Variants in PTPRD observed in about 807,000 individuals in gnomAD.
PTPRD encodes receptor-type tyrosine-protein phosphatase delta.
Under a neutral mutation model 214.5 loss-of-function variants are expected in PTPRD, and 34 were observed. The observed-to-expected ratio is 0.16, with a 90% confidence interval of 0.12 to 0.21. The LOEUF (loss-of-function observed/expected upper bound fraction) is 0.21. Ranked by LOEUF, PTPRD falls within the 10% of genes least tolerant of loss-of-function variation. The pLI, the probability that PTPRD is intolerant of heterozygous loss-of-function variation, is 1.00. For missense variants in PTPRD, 2,545 were observed against 2,398.7 expected (o/e 1.06, Z -1.27); for synonymous variants, 1,128 against 845.7 (o/e 1.33, Z -5.79).
chr9:9,090,237 T>C (rs1332049502), intron 10 of PTPRD, among the ~76,000 whole-genome samples: 2 of 152,170 alleles, frequency 1.3e-5, no homozygotes, highest in Non-Finnish European at 2.9e-5. Context: ...CAGCCTCTGG[T>C]AGCAATCATT....
intron 5 of PTPRD, among the ~76,000 whole-genome samples, chr9:9,814,251 C>T (rs1471439695): frequency 1.3e-5 from 2 of 151,390 alleles, no homozygotes; most frequent in South Asian, 4.2e-4. Context: ...AAATGTGTCT[C>T]TCTTACCACT....
intron 9 of PTPRD, among the ~76,000 whole-genome samples, chr9:9,302,996 G>A (rs769585505): frequency 6.6e-5 from 10 of 151,902 alleles, no homozygotes; most frequent in Non-Finnish European, 1.5e-4. Flanking sequence ...TCAAGGGCAT[G>A]TCCTACTATA....
chr9:9,693,371 C>A (rs1284958094), intron 7 of PTPRD, among the ~76,000 whole-genome samples: 1 of 152,038 alleles, frequency 6.6e-6, no homozygotes, highest in Non-Finnish European at 1.5e-5. Context: ...ATAGTTTTTC[C>A]TGTACTCTCA....
chr9:8,874,900 A>G (rs534617513), intron 11 of PTPRD, among the ~76,000 whole-genome samples: 3 of 152,322 alleles, frequency 2.0e-5, no homozygotes, highest in Admixed American at 6.5e-5. Flanking sequence ...GGTGGTTCCA[A>G]TGAAACTTTC....
chr9:9,148,230 C>G (rs1366297083), intron 10 of PTPRD, among the ~76,000 whole-genome samples: 1 of 151,972 alleles, frequency 6.6e-6, no homozygotes, highest in East Asian at 1.9e-4. Context: ...TTTTAATAGG[C>G]TTTATGAAAT....
At chr9:8,379,923 G>A (rs778168949) in intron 37 of PTPRD, among the ~76,000 whole-genome samples, 2 of 152,086 alleles carry the variant, frequency 1.3e-5, no homozygotes, top group South Asian at 2.1e-4. Flanking sequence ...AAGTCTGGCC[G>A]CCTCATCTGT....
intron 4 of PTPRD, among the ~76,000 whole-genome samples, chr9:9,963,955 A>G (rs1339930678): frequency 6.9e-6 from 1 of 144,626 alleles, no homozygotes; most frequent in Admixed American, 7.1e-5. Context: ...TTCCATTTTT[A>G]TGAGCATTTC....
intron 36 of PTPRD, among the ~76,000 whole-genome samples, chr9:8,391,099 C>T (rs1393301719): frequency 6.6e-6 from 1 of 152,054 alleles, no homozygotes; most frequent in Admixed American, 6.6e-5. Flanking sequence ...ATGATCCCTT[C>T]TACCCTGGGA....
chr9:10,176,838 A>C (rs1304037790), intron 3 of PTPRD, among the ~76,000 whole-genome samples: 1 of 151,956 alleles, frequency 6.6e-6, no homozygotes, highest in Non-Finnish European at 1.5e-5. Flanking sequence ...TGGAATAAAC[A>C]CTTAATGTCT....
At chr9:10,516,813 C>G (rs2050273614) in intron 2 of PTPRD, among the ~76,000 whole-genome samples, 1 of 151,766 alleles carries the variant, frequency 6.6e-6, no homozygotes, top group Non-Finnish European at 1.5e-5. Flanking sequence ...TTCCCAGCAC[C>G]ATTTGCTGAA....
intron 3 of PTPRD, among the ~76,000 whole-genome samples, chr9:10,171,010 T>C (rs1268984741): frequency 6.6e-6 from 1 of 152,188 alleles, no homozygotes; most frequent in African/African-American, 2.4e-5. Flanking sequence ...CTAGCACCAT[T>C]ACAATTTGGT....
intron 2 of PTPRD, among the ~76,000 whole-genome samples, chr9:10,476,658 C>A (rs558374984): frequency 1.3e-5 from 2 of 152,030 alleles, no homozygotes; most frequent in Non-Finnish European, 2.9e-5. Flanking sequence ...TATACGGAAC[C>A]AAAAAATAGC....
At chr9:8,516,759 A>G (rs914073023) in intron 21 of PTPRD, among the ~76,000 whole-genome samples, 2 of 151,780 alleles carry the variant, frequency 1.3e-5, no homozygotes, top group Non-Finnish European at 2.9e-5. Context: ...CAACACAATA[A>G]GGAGTCAAAG....
At chr9:8,625,641 C>T (rs1209652267) in intron 14 of PTPRD, among the ~76,000 whole-genome samples, 1 of 151,274 alleles carries the variant, frequency 6.6e-6, no homozygotes, top group Non-Finnish European at 1.5e-5. Context: ...TAGTGCTACA[C>T]TTATGACCAA....
chr9:8,383,735 C>T (rs2085961467), intron 37 of PTPRD, among the ~76,000 whole-genome samples: 1 of 152,152 alleles, frequency 6.6e-6, no homozygotes, highest in Admixed American at 6.5e-5. Context: ...TCCCCATCTC[C>T]AACATTTATA....
chr9:8,616,858 A>C (rs1211552601), intron 14 of PTPRD, among the ~76,000 whole-genome samples: 5 of 152,150 alleles, frequency 3.3e-5, no homozygotes, highest in Admixed American at 6.5e-5. Flanking sequence ...AATCCTGCTG[A>C]AGTGATTATG....
intron 2 of PTPRD, among the ~76,000 whole-genome samples, chr9:10,433,955 A>G (rs76177053): frequency 0.01 from 1,594 of 152,006 alleles, 31 homozygotes; most frequent in African/African-American, 0.036. Context: ...ATCAATCACT[A>G]TAAACAAAAA....
At chr9:8,832,998 T>G (rs2097330656) in intron 11 of PTPRD, among the ~76,000 whole-genome samples, 1 of 152,190 alleles carries the variant, frequency 6.6e-6, no homozygotes. Flanking sequence ...TCTTTCCTAT[T>G]CTTACTTTGC....
Position 9,678,096 on chromosome 9 carries a change from A to G in PTPRD, c.-287+56437T>C, listed in dbSNP as rs571406037. Among the ~76,000 whole-genome samples, 37 of 152,280 alleles carry G rather than the reference A, an allele frequency of 2.4e-4. No individual in the cohort carries two copies. The South Asian group carries it at 5.4e-3, about 22-fold the overall frequency. ...ATACAAACAAATGGAAGAACATTCC[A>G]TGCTCATGGGTAGGAAGAATCAATA... On this transcript the variant is annotated intron_variant, in intron 7 of 45. Transcript: ENST00000381196.
Sources: gnomAD v4.1 joint callset for allele counts (sites outside exome capture counted in the v4.1 genomes callset) on GRCh38, gnomAD v4.1.1 for gene constraint, MANE v1.5 for transcripts, NCBI Gene and HGNC (gene_info 2026-07-23, HGNC 2026-07-21) for gene names.